The following CELF2 variants were observed in gnomAD, a reference collection of about 807,000 sequenced individuals.
CELF2 encodes the protein CUG triplet repeat RNA-binding protein 2.
A neutral mutation model predicts 62.6 loss-of-function variants in CELF2; 8 were observed. That is an observed-to-expected ratio of 0.13 (90% CI 0.07 to 0.23). The LOEUF is 0.23. CELF2 is among the 10% of genes least tolerant of loss of function. The pLI is 1.00. For missense variants in CELF2, 333 were observed against 671.0 expected (o/e 0.50, Z 5.56); for synonymous variants, 258 against 250.0 (o/e 1.03, Z -0.30).
At chr10:10,552,337 G>A in the CELF2 span, among the ~76,000 whole-genome samples, 1 of 152,188 alleles carries the variant, frequency 6.6e-6, no homozygotes, top group Non-Finnish European at 1.5e-5. Flanking sequence ...GTAAAGACAG[G>A]CAGCGTGTGG....
At chr10:10,543,865 G>A in the CELF2 span, among the ~76,000 whole-genome samples, 1 of 152,138 alleles carries the variant, frequency 6.6e-6, no homozygotes, top group South Asian at 2.1e-4. Flanking sequence ...ATTGACTCTG[G>A]AGGATGATAA....
At chr10:11,317,031 G>A (rs1399232458) in intron 10 of CELF2, 1 of 152,154 alleles carries the variant, frequency 6.6e-6, no homozygotes, top group Non-Finnish European at 1.5e-5. Context: ...CTAAGTTGAA[G>A]AACATACTTT....
At chr10:10,855,283 C>T (rs1480325693) in intron 1 of CELF2, among the ~76,000 whole-genome samples, 1 of 152,186 alleles carries the variant, frequency 6.6e-6, no homozygotes, top group Admixed American at 6.5e-5. Context: ...CTGGCATTCC[C>T]CTCTGCAAGT....
At chr10:10,678,628 C>A in the CELF2 span, among the ~76,000 whole-genome samples, 1 of 152,184 alleles carries the variant, frequency 6.6e-6, no homozygotes, top group Admixed American at 6.5e-5. Flanking sequence ...GAAACTGCAC[C>A]AAATGCATCT....
chr10:10,731,005 GGCTACGAATATTTCCCAGGGAGCCTT>G, the CELF2 span, among the ~76,000 whole-genome samples: 1 of 152,142 alleles, frequency 6.6e-6, no homozygotes, highest in African/African-American at 2.4e-5. Flanking sequence ...AAGATAGAGT[GGCTACGAATATTTCCCAGGGAGCCTT>G]GCTTTGCCTG....
chr10:10,653,082 G>A, the CELF2 span, among the ~76,000 whole-genome samples: 66,525 of 151,784 alleles, frequency 0.44, 14,989 homozygotes, highest in South Asian at 0.7. Context: ...TTCTGATAAA[G>A]CAGACTTTAA....
intron 1 of CELF2, among the ~76,000 whole-genome samples, chr10:11,059,020 C>G (rs1172535972): frequency 6.6e-6 from 1 of 152,154 alleles, no homozygotes; most frequent in Non-Finnish European, 1.5e-5. Context: ...TGGGCTCAAG[C>G]AATGCTTCTT....
intron 2 of CELF2, among the ~76,000 whole-genome samples, chr10:10,988,226 GT>G (rs1260727445): frequency 6.6e-6 from 1 of 151,428 alleles, no homozygotes; most frequent in African/African-American, 2.4e-5. Context: ...TAAAGAAAAT[GT>G]GACATATATA....
At chr10:10,508,660 ATGTGTGTGTGTGTG>A in the CELF2 span, among the ~76,000 whole-genome samples, 139 of 140,796 alleles carry the variant, frequency 9.9e-4, no homozygotes, top group African/African-American at 3.4e-3. Context: ...TCTTAAACAG[ATGTGTGTGTGTGTG>A]TGTGTGTGTG....
chr10:11,202,951 C>CTGTG lies in CELF2; in HGVS notation c.272-14456_272-14453dup, dbSNP rs3055302. On this transcript the variant is annotated intron_variant, in intron 2 of 12. Transcript: ENST00000633077. The stretch of plus-strand genomic sequence containing the variant: ...TCTCTCTCTCTCTCTCTCTCTCTCT[C>CTGTG]TGTGTGTGTGTGTGTGTGTGTAATC... 2.7e-3 allele frequency among the ~76,000 whole-genome samples: 145 copies of CTGTG among 53,882 alleles called. 1 individual carries two copies. The highest frequency in any genetic ancestry group is 3.3e-3 in the Non-Finnish European group (87 of 26,228). The allele number at this position is 53,882 out of a possible 152,430, so 35.3% of individuals were successfully genotyped here.
At position 10,913,895 on chromosome 10, in the gene CELF2, G is replaced by A. The variant is rs190269310; in HGVS notation, c.54-6069G>A. On this transcript the variant is annotated intron_variant, in intron 1 of 13. Transcript: ENST00000636488. The stretch of plus-strand genomic sequence containing the variant: ...GGAAGGAAGGAAGGAAGAAGGAAGG[G>A]AGGGAGGGAGGGACGGACGGGGCAG... Among the ~76,000 whole-genome samples, 55 of 36,016 alleles carry A rather than the reference G, an allele frequency of 1.5e-3. No homozygotes were observed. In the Middle Eastern group the frequency reaches 0.039, roughly 26 times the overall value. 23.6% of individuals were successfully genotyped at this position (36,016 alleles called of 152,430 possible). A position where few individuals can be genotyped will look rare whatever the true frequency, so the allele number is the denominator to read the frequency against.
At chr10:10,785,193 T>C in the CELF2 span, among the ~76,000 whole-genome samples, 1 of 152,188 alleles carries the variant, frequency 6.6e-6, no homozygotes, top group Non-Finnish European at 1.5e-5. Context: ...TGTAATGCAG[T>C]GGCACCGAAC....
chr10:11,016,249 A>G (rs2137700171), upstream of CELF2, among the ~76,000 whole-genome samples: 1 of 152,344 alleles, frequency 6.6e-6, no homozygotes, highest in South Asian at 2.1e-4. The surrounding 1 kb of genome is among the most constrained non-coding windows in gnomAD (Gnocchi z 5.2). Flanking sequence ...TAGTCTGGGG[A>G]CAAGTTTGGC....
At chr10:10,466,734 T>A in the CELF2 span, among the ~76,000 whole-genome samples, 4 of 152,152 alleles carry the variant, frequency 2.6e-5, no homozygotes, top group Non-Finnish European at 5.9e-5. Flanking sequence ...GTCTTTTCAG[T>A]GTTAGCCATT....
the CELF2 span, among the ~76,000 whole-genome samples, chr10:10,469,131 C>T: frequency 6.6e-6 from 1 of 151,896 alleles, no homozygotes; most frequent in African/African-American, 2.4e-5. Flanking sequence ...GTGCTTGTGG[C>T]TATAATATAC....
At chr10:11,265,879 G>A (rs1174961936) in intron 5 of CELF2, among the ~76,000 whole-genome samples, 1 of 152,190 alleles carries the variant, frequency 6.6e-6, no homozygotes, top group Non-Finnish European at 1.5e-5. Context: ...AGTCTCAAAA[G>A]TCTTGAAGAT....
the CELF2 span, among the ~76,000 whole-genome samples, chr10:10,649,874 G>A: frequency 6.6e-6 from 1 of 152,176 alleles, no homozygotes; most frequent in Admixed American, 6.5e-5. Context: ...TTCCCCTGGA[G>A]TGCAGCTGTT....
In CELF2 at chr10:11,165,582, A is replaced by T. The variant is rs377424177; in HGVS notation, c.171A>T (p.Ser57=). ...TGTTTGTCGGACAGATCCCCCGGTC[A>T]TGGTCGGAAAAGGAGCTGAAAGAAC... ...IKMFVGQIPR[S]WSEKELKELF... is the part of the protein sequence containing the mutation. Residue 57 remains serine (S), a synonymous_variant, in exon 2 of 13, where the codon TCA becomes TCT. Coordinates refer to ENST00000633077, the MANE Select transcript of CELF2 (RefSeq NM_001326342.2). The surrounding 1 kb of genome is among the most constrained non-coding windows in gnomAD (Gnocchi z 7.4). The T allele has an allele frequency of 1.2e-6, 2 of 1,614,122 alleles. No individual in the cohort carries two copies. The highest frequency in any genetic ancestry group is 1.7e-6 in the Non-Finnish European group (2 of 1,180,058).
the CELF2 span, among the ~76,000 whole-genome samples, chr10:10,659,490 C>G: frequency 5.9e-5 from 9 of 152,306 alleles, no homozygotes; most frequent in African/African-American, 1.9e-4. Context: ...TCCCTCCCCT[C>G]CTCATCTTCT....
Sources: allele counts gnomAD v4.1 joint callset (sites outside exome capture counted in the v4.1 genomes callset), GRCh38; gene constraint gnomAD v4.1.1; non-coding constraint Gnocchi (gnomAD v3.1); transcripts MANE v1.5; gene names NCBI Gene and HGNC (gene_info 2026-07-23, HGNC 2026-07-21).